Variants in EPHA6 observed in about 807,000 individuals in gnomAD.
EPHA6 encodes EPH receptor A6.
A neutral mutation model predicts 112.0 loss-of-function variants in EPHA6; 50 were observed. The observed-to-expected ratio is 0.45, with a 90% CI of 0.36 to 0.56. The LOEUF (loss-of-function observed/expected upper bound fraction) is 0.56. Among genes scored for constraint, EPHA6 ranks in the 20% least tolerant of loss-of-function variants. EPHA6 has a pLI of 0.00. For synonymous variants in EPHA6, 529 were observed against 490.7 expected (o/e 1.08, Z -1.03); for missense variants, 1,280 against 1,417.4 (o/e 0.90, Z 1.56).
In EPHA6 at chr3:97,244,088, C is replaced by T. The variant is rs1353411480; in HGVS notation, c.1407C>T (p.Asp469=). 6.2e-7 allele frequency: 1 copy of T among 1,612,958 alleles called. No individual in the cohort carries two copies. The highest frequency in any genetic ancestry group is 2.2e-5 in the East Asian group (1 of 44,852). ...YSVICKKCGL[D]TSQCEDCGGG... Reference sequence around the variant, plus strand: ...TAATCTGTAAGAAATGTGGCTTAGACACCAGCCAGTGTGAGGACTGTGGTG... The same window carrying T: ...TAATCTGTAAGAAATGTGGCTTAGATACCAGCCAGTGTGAGGACTGTGGTG... Residue 469 remains aspartate, a synonymous_variant, in exon 5 of 18, where the codon GAC becomes GAT. Coordinates refer to ENST00000389672, the MANE Select transcript of EPHA6 (RefSeq NM_001080448.3).
At chr3:97,161,940 A>G (rs1242255303) in intron 3 of EPHA6, among the ~76,000 whole-genome samples, 1 of 152,206 alleles carries the variant, frequency 6.6e-6, no homozygotes, top group Non-Finnish European at 1.5e-5. Context: ...CAGTGAAGGT[A>G]TATTGCTAGC....
intron 14 of EPHA6, among the ~76,000 whole-genome samples, chr3:97,692,978 G>A (rs368788737): frequency 2.0e-5 from 3 of 152,064 alleles, no homozygotes; most frequent in South Asian, 4.2e-4. Context: ...ATTTCTTAGG[G>A]TCAGCTGTAA....
intron 11 of EPHA6, among the ~76,000 whole-genome samples, chr3:97,532,930 C>CT (rs2092711984): frequency 6.6e-6 from 1 of 151,882 alleles, no homozygotes; most frequent in African/African-American, 2.4e-5. Context: ...ATATAAAATG[C>CT]TTTACCTGGA....
chr3:97,268,987 G>C (rs971733218), intron 5 of EPHA6, among the ~76,000 whole-genome samples: 1 of 152,088 alleles, frequency 6.6e-6, no homozygotes, highest in African/African-American at 2.4e-5. Context: ...TATGGCGTGG[G>C]AGAACATTCC....
intron 2 of EPHA6, among the ~76,000 whole-genome samples, chr3:96,940,176 G>A (rs575025770): frequency 1.8e-4 from 27 of 151,850 alleles, no homozygotes; most frequent in East Asian, 1.6e-3. Context: ...TTTCTGTCTC[G>A]ATCTGTCTAA....
chr3:97,630,791 T>C (rs1210088742), intron 13 of EPHA6, among the ~76,000 whole-genome samples: 1 of 151,928 alleles, frequency 6.6e-6, no homozygotes, highest in Admixed American at 6.6e-5. Context: ...CGGGCAAAAA[T>C]TTTAAGGCAA....
chr3:97,643,509 G>C (rs1168938353), intron 14 of EPHA6, among the ~76,000 whole-genome samples: 211 of 148,428 alleles, frequency 1.4e-3, no homozygotes, highest in African/African-American at 5.0e-3. Flanking sequence ...ATTGGATAAA[G>C]AGTCAAGACC....
At chr3:97,114,817 A>G (rs906786293) in intron 3 of EPHA6, among the ~76,000 whole-genome samples, 6 of 152,092 alleles carry the variant, frequency 3.9e-5, no homozygotes, top group Non-Finnish European at 8.8e-5. Flanking sequence ...CAACATTCTC[A>G]CAAGTGTAAT....
At chr3:97,735,262 C>T (rs1382309222) in intron 15 of EPHA6, among the ~76,000 whole-genome samples, 1 of 152,042 alleles carries the variant, frequency 6.6e-6, no homozygotes, top group Non-Finnish European at 1.5e-5. Context: ...AGCACACTAG[C>T]TCAGAGGACA....
At chr3:97,480,213 T>C (rs2091490082) in intron 9 of EPHA6, among the ~76,000 whole-genome samples, 1 of 151,910 alleles carries the variant, frequency 6.6e-6, no homozygotes, top group East Asian at 1.9e-4. Flanking sequence ...TTTTTCTTTT[T>C]TTTCTTTCTT....
intron 3 of EPHA6, among the ~76,000 whole-genome samples, chr3:97,037,534 A>G (rs568397776): frequency 1.3e-5 from 2 of 152,054 alleles, no homozygotes; most frequent in East Asian, 1.9e-4. Flanking sequence ...GGGAAGAGAT[A>G]AAGTTGAAAA....
In EPHA6 at chr3:97,466,244, T is replaced by C. The variant is rs76508602; in HGVS notation, c.1895-9108T>C. ...CAGACTTGGGAGGCTGTGTTTATCATCAAAATCAAAAGATGACAGTAAGGT... is the reference window on the plus strand; with the variant it reads ...CAGACTTGGGAGGCTGTGTTTATCACCAAAATCAAAAGATGACAGTAAGGT... On this transcript the variant is annotated intron_variant, in intron 7 of 17. Transcript: ENST00000389672. 3.1e-4 allele frequency: 319 copies of C among 1,021,284 alleles called. 2 individuals are homozygous for C. In the East Asian group the frequency reaches 7.4e-3, roughly 24 times the overall value. 63.3% of individuals were successfully genotyped at this position (1,021,284 alleles called of 1,614,324 possible).
intron 4 of EPHA6, among the ~76,000 whole-genome samples, chr3:97,230,693 A>T (rs1381101784): frequency 6.6e-6 from 1 of 152,200 alleles, no homozygotes; most frequent in Non-Finnish European, 1.5e-5. Flanking sequence ...TACCTCGTGT[A>T]TACATTGGAC....
chr3:96,931,778 T>C (rs2040338639), intron 2 of EPHA6, among the ~76,000 whole-genome samples: 1 of 152,178 alleles, frequency 6.6e-6, no homozygotes, highest in Non-Finnish European at 1.5e-5. Flanking sequence ...TTGTGAGGTA[T>C]CATGGAAGTG....
intron 2 of EPHA6, among the ~76,000 whole-genome samples, chr3:96,952,101 C>T (rs998132760): frequency 2.6e-5 from 4 of 152,112 alleles, no homozygotes; most frequent in African/African-American, 9.7e-5. Context: ...TCCTCTTGTT[C>T]TCCATTGTAC....
intron 3 of EPHA6, among the ~76,000 whole-genome samples, chr3:97,218,039 G>A (rs1386697709): frequency 1.3e-5 from 2 of 152,058 alleles, no homozygotes; most frequent in Non-Finnish European, 2.9e-5. Context: ...GGCAGACCGA[G>A]GCAAGGCAGA....
chr3:97,430,074 AT>A (rs1181315386), intron 6 of EPHA6, among the ~76,000 whole-genome samples: 2 of 152,164 alleles, frequency 1.3e-5, no homozygotes, highest in Non-Finnish European at 2.9e-5. Flanking sequence ...TTTTAAATTA[AT>A]TTTTAAATAT....
At position 97,106,851 on chromosome 3, in the gene EPHA6, C is replaced by T. The variant is rs970923360; in HGVS notation, c.1114+118858C>T. Reference sequence around the variant, plus strand: ...CACTGAAGGCAAGCTACACTCCCATCACATGCCTTGCAAGGAGGATAAGGA... The same window carrying T: ...CACTGAAGGCAAGCTACACTCCCATTACATGCCTTGCAAGGAGGATAAGGA... On this transcript the variant is annotated intron_variant, in intron 3 of 17. Transcript: ENST00000389672. Among the ~76,000 whole-genome samples the T allele has an allele frequency of 3.3e-5, 5 of 152,248 alleles. No individual in the cohort carries two copies. The South Asian group carries it at 1.0e-3, about 32-fold the overall frequency.
At chr3:97,349,225 T>A (rs962025992) in intron 5 of EPHA6, among the ~76,000 whole-genome samples, 1 of 152,058 alleles carries the variant, frequency 6.6e-6, no homozygotes, top group African/African-American at 2.4e-5. Flanking sequence ...AAGTGAACAA[T>A]ATTACCTTTA....
Sources: gnomAD v4.1 joint callset for allele counts (sites outside exome capture counted in the v4.1 genomes callset) on GRCh38, gnomAD v4.1.1 for gene constraint, MANE v1.5 for transcripts, NCBI Gene and HGNC (gene_info 2026-07-23, HGNC 2026-07-21) for gene names.